GAS2: variants seen among roughly 807,000 people sequenced by gnomAD.
GAS2 encodes growth arrest specific 2.
Under a neutral mutation model 37.5 loss-of-function variants are expected in GAS2, and 20 were observed. That is an observed-to-expected ratio of 0.53 (90% CI 0.37 to 0.77). The LOEUF (loss-of-function observed/expected upper bound fraction) is 0.77. Among genes scored for constraint, GAS2 ranks in the 30% least tolerant of loss-of-function variants. GAS2 has a pLI of 0.00. For missense variants in GAS2, 336 were observed against 373.4 expected, an observed-to-expected ratio of 0.90 and a Z score of 0.82; for synonymous variants, 144 against 132.2, an observed-to-expected ratio of 1.09 and a Z score of -0.61.
upstream of GAS2, among the ~76,000 whole-genome samples, chr11:22,662,456 A>G (rs982136134): frequency 7.2e-5 from 11 of 152,214 alleles, no homozygotes; most frequent in Non-Finnish European, 1.5e-4. Context: ...TTCTTTCAAC[A>G]ATTATTGAGT....
rs7122835 is a variant in GAS2 at position 22,749,123 on chromosome 11, T to C, written c.477T>C (p.Tyr159=). The change falls in exon 6 of 8, where the codon TAT becomes TAC. Residue 159 remains tyrosine (Y), a synonymous_variant. Transcript: ENST00000454584. The stretch of plus-strand genomic sequence containing the variant: ...ATGATCCAGGGTCTTTTTAAAGGTA[T>C]GGTGTGGAGCCTCCTGGTTTGATAA... ...LLELGRIAAR[Y]GVEPPGLIKL... 2.6e-3 allele frequency: 4,196 copies of C among 1,610,728 alleles called. 101 individuals carry two copies. In the African/African-American group the frequency reaches 0.047, roughly 18 times the overall value.
At chr11:22,733,545 A>G (rs1294428272) in intron 4 of GAS2, among the ~76,000 whole-genome samples, 1 of 151,688 alleles carries the variant, frequency 6.6e-6, no homozygotes, top group Admixed American at 6.6e-5. Flanking sequence ...TTCATGGTCT[A>G]ATGCATTTTA....
At chr11:22,770,912 T>C (rs1381143139) in intron 7 of GAS2, among the ~76,000 whole-genome samples, 2 of 152,164 alleles carry the variant, frequency 1.3e-5, no homozygotes, top group African/African-American at 2.4e-5. Flanking sequence ...GAACTTCATA[T>C]CTTCTTGTTT....
chr11:22,652,993 G>GTCTTTCTTTCTTTCTTTCTTTTT (rs1565067479), intron 1 of GAS2, among the ~76,000 whole-genome samples: 2 of 97,036 alleles, frequency 2.1e-5, no homozygotes, highest in East Asian at 2.4e-4. Context: ...TTCTTTCTTT[G>GTCTTTCTTTCTTTCTTTCTTTTT]TCTTTCTTTC....
rs761424419 is a variant in GAS2 at position 22,812,028 on chromosome 11, C to T, written c.*12C>T. 3 of 1,602,022 alleles carry T rather than the reference C, an allele frequency of 1.9e-6. No individual in the cohort carries two copies. On this transcript the variant is annotated 3_prime_UTR_variant, in exon 8 of 8. Coordinates refer to ENST00000454584, the MANE Select transcript of GAS2 (RefSeq NM_001143830.3). ...AGGAAATTAAGTGAAACAAATTGGT[C>T]ATGACAAGGGGACCCTCATAATGGC...
rs186609443 is a variant in GAS2, at chr11:22,756,306, A to G, written c.723+353A>G. On this transcript the variant is annotated intron_variant, in intron 7 of 7. Coordinates refer to ENST00000454584, the MANE Select transcript of GAS2 (RefSeq NM_001143830.3). ...CAATAATTCTTTTTTTAAAAAAAAG[A>G]AAAGAAAAGAAAATGAAAAATAGAG... Among the ~76,000 whole-genome samples, 48 of 152,176 alleles carry G rather than the reference A, an allele frequency of 3.2e-4. 1 individual carries two copies. Among genetic ancestry groups the G allele is most frequent in the African/African-American group, 1.1e-3 (47 of 41,544 alleles).
rs1406292041 is a variant in GAS2, at chr11:22,749,285, T to C, written c.615+24T>C. The stretch of plus-strand genomic sequence containing the variant: ...CAGTAAGTAAAATCAGTCAGACTTC[T>C]TACCAACGGTTAGTCTTTCTTGCAC... On this transcript the variant is annotated intron_variant, in intron 6 of 7. Coordinates refer to ENST00000454584, the MANE Select transcript of GAS2 (RefSeq NM_001143830.3). The C allele has an allele frequency of 1.9e-6, 3 of 1,602,788 alleles. No individual in the cohort carries two copies. In the African/African-American group the frequency reaches 4.0e-5, roughly 22 times the overall value.
At chr11:22,767,460 C>T (rs1422143997) in intron 7 of GAS2, among the ~76,000 whole-genome samples, 2 of 151,994 alleles carry the variant, frequency 1.3e-5, no homozygotes, top group Admixed American at 1.3e-4. Flanking sequence ...AATGTCTACT[C>T]GCAATGTTTG....
chr11:22,747,802 A>G (rs1853493084), intron 5 of GAS2, among the ~76,000 whole-genome samples: 1 of 152,180 alleles, frequency 6.6e-6, no homozygotes, highest in Non-Finnish European at 1.5e-5. Context: ...TACTAATTTT[A>G]TAAATCCCTT....
chr11:22,778,068 A>G (rs1855356198), intron 7 of GAS2, among the ~76,000 whole-genome samples: 1 of 152,194 alleles, frequency 6.6e-6, no homozygotes, highest in African/African-American at 2.4e-5. Context: ...AGAAACTAGA[A>G]TTTTGAAAAT....
chr11:22,693,064 T>C (rs1230290526), intron 3 of GAS2, among the ~76,000 whole-genome samples: 2 of 152,164 alleles, frequency 1.3e-5, no homozygotes, highest in Non-Finnish European at 2.9e-5. Flanking sequence ...ACCGTCTGGT[T>C]TCCCTACTAT....
At chr11:22,664,500 C>G (rs1219442553), upstream of GAS2, among the ~76,000 whole-genome samples, 1 of 152,128 alleles carries the variant, frequency 6.6e-6, no homozygotes, top group Admixed American at 6.5e-5. Context: ...AAAATAAAAA[C>G]TAAACTGTTT....
intron 7 of GAS2, among the ~76,000 whole-genome samples, chr11:22,775,854 T>C (rs111500123): frequency 4.5e-4 from 69 of 152,338 alleles, no homozygotes; most frequent in African/African-American, 1.7e-3. Context: ...ATGGCTTGTT[T>C]AGCATAGAAG....
intron 7 of GAS2, among the ~76,000 whole-genome samples, chr11:22,792,930 T>A (rs1465532733): frequency 1.3e-5 from 2 of 152,142 alleles, no homozygotes; most frequent in Non-Finnish European, 2.9e-5. Context: ...GGTCAAACAA[T>A]TTAAAAGACA....
intron 3 of GAS2, among the ~76,000 whole-genome samples, chr11:22,705,037 T>C (rs1851042068): frequency 1.3e-5 from 2 of 152,160 alleles, no homozygotes; most frequent in South Asian, 4.1e-4. Flanking sequence ...TCAAATAATT[T>C]AAAACTCAAA....
chr11:22,666,956 C>CGCA (rs1173563379), intron 1 of GAS2, 57 bp downstream of exon 1: 1 of 152,270 alleles, frequency 6.6e-6, no homozygotes, highest in African/African-American at 2.4e-5. Context: ...GTGCGCGCAC[C>CGCA]GCAGCCGGGG....
At chr11:22,784,566 A>C (rs899641912) in intron 7 of GAS2, among the ~76,000 whole-genome samples, 9 of 152,176 alleles carry the variant, frequency 5.9e-5, no homozygotes, top group African/African-American at 1.9e-4. Context: ...AGCCTGGCAT[A>C]TAATAGTCAT....
At chr11:22,637,487 AT>A (rs1240050059) in intron 1 of GAS2, among the ~76,000 whole-genome samples, 1 of 918 alleles carries the variant, frequency 1.1e-3, no homozygotes, top group Non-Finnish European at 2.3e-3. Flanking sequence ...TATAATATTA[AT>A]TATATTAATA....
At chr11:22,737,484 C>T (rs749116868) in intron 4 of GAS2, among the ~76,000 whole-genome samples, 8 of 151,992 alleles carry the variant, frequency 5.3e-5, no homozygotes, top group African/African-American at 1.4e-4. Context: ...GTTCCTGAGA[C>T]GAATAGCTTT....
Sources: gnomAD v4.1 joint callset for allele counts (sites outside exome capture counted in the v4.1 genomes callset) on GRCh38, gnomAD v4.1.1 for gene constraint, MANE v1.5 for transcripts, NCBI Gene and HGNC (gene_info 2026-07-23, HGNC 2026-07-21) for gene names.